Variants in ATF1 observed in about 807,000 individuals in gnomAD.
The protein encoded by ATF1 is activating transcription factor 1, also known as cyclic AMP-dependent transcription factor ATF-1.
ATF1 carries 16 observed loss-of-function variants against 34.7 expected under a neutral mutation model. The observed-to-expected ratio is 0.46, with a 90% CI of 0.31 to 0.70. The LOEUF (loss-of-function observed/expected upper bound fraction) is 0.70. Among genes scored for constraint, ATF1 ranks in the 30% least tolerant of loss-of-function variants. The probability of loss-of-function intolerance (pLI) is 0.05; values close to 1 mark genes in which losing one functional copy is unlikely to be tolerated. For missense variants in ATF1, 255 were observed against 321.6 expected (o/e 0.79, Z 1.58); for synonymous variants, 105 against 113.1 (o/e 0.93, Z 0.46).
chr12:50,810,053 C>T (rs1387401218), intron 4 of ATF1, among the ~76,000 whole-genome samples: 1 of 151,670 alleles, frequency 6.6e-6, no homozygotes, highest in African/African-American at 2.4e-5. Flanking sequence ...AGGCTGGTCT[C>T]GAACTTTGAC....
chr12:50,771,632 C>T (rs1459117217), intron 1 of ATF1, among the ~76,000 whole-genome samples: 1 of 152,152 alleles, frequency 6.6e-6, no homozygotes, highest in African/African-American at 2.4e-5. Flanking sequence ...ACCAGAGCAA[C>T]TCCATCTTAA....
chr12:50,770,967 A>G (rs181899879), intron 1 of ATF1, among the ~76,000 whole-genome samples: 1 of 151,754 alleles, frequency 6.6e-6, no homozygotes, highest in African/African-American at 2.4e-5. Context: ...AATTTAGTTT[A>G]TTTGGAATAA....
chr12:50,788,477 C>G (rs958658944), intron 2 of ATF1, among the ~76,000 whole-genome samples: 1 of 151,680 alleles, frequency 6.6e-6, no homozygotes, highest in African/African-American at 2.4e-5. Context: ...TGAGCCACTG[C>G]ACCTGGCCCT....
intron 1 of ATF1, among the ~76,000 whole-genome samples, chr12:50,774,207 T>C (rs964953764): frequency 6.6e-6 from 1 of 151,614 alleles, no homozygotes; most frequent in Non-Finnish European, 1.5e-5. Flanking sequence ...AATTTCTTTT[T>C]TATATTTAGT....
chr12:50,798,632 G>A (rs1316069323), intron 3 of ATF1, among the ~76,000 whole-genome samples: 2 of 152,060 alleles, frequency 1.3e-5, no homozygotes, highest in African/African-American at 2.4e-5. Flanking sequence ...TCTTTATTAA[G>A]TAGGGGTCTC....
At chr12:50,778,179 G>A (rs1175964950) in intron 1 of ATF1, among the ~76,000 whole-genome samples, 1 of 148,350 alleles carries the variant, frequency 6.7e-6, no homozygotes, top group African/African-American at 2.5e-5. Context: ...GCCTCCCAAT[G>A]TGTTGAGATC....
intron 3 of ATF1, among the ~76,000 whole-genome samples, chr12:50,806,099 C>T (rs930220563): frequency 1.3e-5 from 2 of 150,590 alleles, no homozygotes; most frequent in Non-Finnish European, 2.9e-5. Context: ...TGCATTGAGC[C>T]GAGATTGCAC....
intron 2 of ATF1, among the ~76,000 whole-genome samples, chr12:50,792,207 C>A (rs552139544): frequency 9.2e-5 from 14 of 152,282 alleles, no homozygotes; most frequent in Admixed American, 2.6e-4. Context: ...ATAACTCTTA[C>A]TCTATTTGTT....
intron 2 of ATF1, among the ~76,000 whole-genome samples, chr12:50,794,056 T>C (rs1941360589): frequency 1.3e-5 from 2 of 151,926 alleles, no homozygotes; most frequent in South Asian, 4.2e-4. Context: ...GTTCACGCCC[T>C]TCTCCTGCCT....
chr12:50,799,841 C>CTAAT (rs1430958076), intron 3 of ATF1, among the ~76,000 whole-genome samples: 1 of 152,134 alleles, frequency 6.6e-6, no homozygotes, highest in African/African-American at 2.4e-5. Flanking sequence ...GGAAAATTAT[C>CTAAT]TAATTCTCAG....
At chr12:50,810,606 C>T (rs1013148272) in intron 4 of ATF1, among the ~76,000 whole-genome samples, 3 of 152,278 alleles carry the variant, frequency 2.0e-5, no homozygotes, top group African/African-American at 7.2e-5. Context: ...TGAGTTTTGA[C>T]AAATGTGTAG....
chr12:50,810,122 T>C (rs1235173376), intron 4 of ATF1, among the ~76,000 whole-genome samples: 1 of 149,148 alleles, frequency 6.7e-6, no homozygotes, highest in East Asian at 2.0e-4. Flanking sequence ...CATGAGCCAC[T>C]GCGCCTGGCC....
At chr12:50,787,937 G>A (rs1268492548) in intron 2 of ATF1, among the ~76,000 whole-genome samples, 1 of 152,176 alleles carries the variant, frequency 6.6e-6, no homozygotes, top group Non-Finnish European at 1.5e-5. Flanking sequence ...TAACATAGGT[G>A]TAGTGTGATC....
intron 6 of ATF1, among the ~76,000 whole-genome samples, chr12:50,816,726 C>G (rs1941850455): frequency 6.6e-6 from 1 of 151,970 alleles, no homozygotes; most frequent in Non-Finnish European, 1.5e-5. Flanking sequence ...GACCCCATCT[C>G]TAAAAAAAAT....
intron 3 of ATF1, among the ~76,000 whole-genome samples, chr12:50,803,284 A>C (rs2139680606): frequency 6.6e-6 from 1 of 152,126 alleles, no homozygotes; most frequent in African/African-American, 2.4e-5. Flanking sequence ...AAAAAAAGCA[A>C]GGGATTTGAA....
At chr12:50,769,505 C>T (rs1382861648) in intron 1 of ATF1, among the ~76,000 whole-genome samples, 1 of 148,350 alleles carries the variant, frequency 6.7e-6, no homozygotes, top group African/African-American at 2.5e-5. Flanking sequence ...GAGACTCCAT[C>T]TCAAAAAAAA....
chr12:50,792,729 T>C, intron 2 of ATF1, among the ~76,000 whole-genome samples: 1 of 152,128 alleles, frequency 6.6e-6, no homozygotes, highest in South Asian at 2.1e-4. Context: ...AAGACAATTT[T>C]AGGGAAAGTT....
rs144298188 is a variant in ATF1, at chr12:50,795,900, C to G, written c.94-9C>G. 2.1e-5 allele frequency: 34 copies of G among 1,604,414 alleles called. No individual in the cohort carries two copies. Among genetic ancestry groups the G allele is most frequent in the Non-Finnish European group, 2.8e-5 (33 of 1,173,368 alleles). ...ATTGTTCATCATGTTAATGCCAGTT[C>G]TTTTTTAGGTATCATCTTTATCAGA... is the stretch of plus-strand genomic sequence containing the variant. On this transcript the variant is annotated splice_polypyrimidine_tract_variant and intron_variant, in intron 2 of 6. Coordinates refer to ENST00000262053, the MANE Select transcript of ATF1 (RefSeq NM_005171.5).
intron 6 of ATF1, among the ~76,000 whole-genome samples, chr12:50,816,263 G>A (rs1040743546): frequency 1.3e-5 from 2 of 151,820 alleles, no homozygotes; most frequent in Admixed American, 1.3e-4. Flanking sequence ...GGGGGTTGAG[G>A]CAGCATGATC....
Sources: allele counts gnomAD v4.1 joint callset (sites outside exome capture counted in the v4.1 genomes callset), GRCh38; gene constraint gnomAD v4.1.1; transcripts MANE v1.5; gene names NCBI Gene and HGNC (gene_info 2026-07-23, HGNC 2026-07-21).